ENPP1: variants seen among roughly 807,000 people sequenced by gnomAD.
ENPP1 encodes ectonucleotide pyrophosphatase/phosphodiesterase family member 1.
ENPP1 carries 73 observed loss-of-function variants against 122.8 expected under a neutral mutation model. The ratio of observed to expected loss-of-function variants is 0.59; its 90% CI spans 0.49 to 0.72. The LOEUF (loss-of-function observed/expected upper bound fraction) is 0.72, where lower values mean the gene tolerates loss of function less well. Ranked by LOEUF, ENPP1 falls within the 30% of genes least tolerant of loss-of-function variation. ENPP1 has a pLI of 0.00. For missense variants in ENPP1, 978 were observed against 1,128.1 expected (o/e 0.87, Z 1.91); for synonymous variants, 367 against 391.6 (o/e 0.94, Z 0.74).
At chr6:131,882,887 T>C (rs1260264717) in intron 21 of ENPP1, among the ~76,000 whole-genome samples, 1 of 151,934 alleles carries the variant, frequency 6.6e-6, no homozygotes, top group Non-Finnish European at 1.5e-5. Context: ...GGAATATATA[T>C]ATCAAGTTGG....
intron 7 of ENPP1, among the ~76,000 whole-genome samples, chr6:131,859,546 C>T (rs530550040): frequency 4.6e-5 from 7 of 151,450 alleles, no homozygotes; most frequent in African/African-American, 9.7e-5. Context: ...CCACCACGCC[C>T]GGCTAATTTT....
chr6:131,819,538 T>C (rs186020201), intron 1 of ENPP1, among the ~76,000 whole-genome samples: 5 of 152,360 alleles, frequency 3.3e-5, no homozygotes, highest in African/African-American at 1.2e-4. Flanking sequence ...AAATACTTAC[T>C]TATTGAAACT....
intron 8 of ENPP1, 27 bp downstream of exon 8, chr6:131,860,533 T>C (rs9493113): frequency 1.3e-6 from 2 of 1,527,100 alleles, no homozygotes; most frequent in East Asian, 2.3e-5. Flanking sequence ...TCTACTAAAA[T>C]AGTTAATTAT....
At chr6:131,855,608 G>A (rs1781935760) in intron 6 of ENPP1, among the ~76,000 whole-genome samples, 1 of 152,062 alleles carries the variant, frequency 6.6e-6, no homozygotes, top group South Asian at 2.1e-4. Flanking sequence ...TTACAGGCGT[G>A]AGCCACCATG....
Position 131,892,159 on chromosome 6 carries a change from C to G in ENPP1, c.*1648C>G, listed in dbSNP as rs1782479460. The stretch of plus-strand genomic sequence containing the variant: ...TTGCATCTACTGATGGTCTTTTTTC[C>G]ATTCGGAAACATTTTCCTGTTTCTT... On this transcript the variant is annotated 3_prime_UTR_variant, in exon 25 of 25. Transcript: ENST00000647893. The G allele has an allele frequency of 6.6e-6, 1 of 151,960 alleles. No homozygotes were observed. The highest frequency in any genetic ancestry group is 1.5e-5 in the Non-Finnish European group (1 of 67,992). The allele number at this position is 151,960 out of a possible 1,614,324, so 9.4% of individuals were successfully genotyped here. A position where few individuals can be genotyped will look rare whatever the true frequency, so the allele number is the denominator to read the frequency against.
intron 10 of ENPP1, 24 bp downstream of exon 10, chr6:131,864,595 T>G (rs1782064988): frequency 5.4e-6 from 8 of 1,478,864 alleles, no homozygotes; most frequent in Non-Finnish European, 7.6e-6. Flanking sequence ...TAATTTCTAT[T>G]GTAAATACTT....
intron 1 of ENPP1, among the ~76,000 whole-genome samples, chr6:131,822,696 T>A (rs1781497191): frequency 6.6e-6 from 1 of 152,190 alleles, no homozygotes; most frequent in Non-Finnish European, 1.5e-5. Flanking sequence ...AATGTACTTT[T>A]CATAAGTAGG....
At chr6:131,836,836 C>T (rs146168163) in intron 1 of ENPP1, among the ~76,000 whole-genome samples, 2 of 152,234 alleles carry the variant, frequency 1.3e-5, no homozygotes, top group East Asian at 3.9e-4. Context: ...ATGGAAAGTG[C>T]GGTACTGGCA....
intron 1 of ENPP1, among the ~76,000 whole-genome samples, chr6:131,819,229 C>T (rs1781454697): frequency 6.6e-6 from 1 of 152,152 alleles, no homozygotes. Flanking sequence ...GCAAGATAGA[C>T]TAATGGATTT....
intron 6 of ENPP1, among the ~76,000 whole-genome samples, chr6:131,856,952 A>T (rs2114698278): frequency 6.6e-6 from 1 of 152,218 alleles, no homozygotes; most frequent in South Asian, 2.1e-4. Flanking sequence ...CTTTTGGCTT[A>T]GGATTGACTT....
At position 131,893,542 on chromosome 6, in the gene ENPP1, T is replaced by C. The variant is rs892673236; in HGVS notation, c.*3031T>C. 1.3e-5 allele frequency: 2 copies of C among 152,238 alleles called. No individual in the cohort carries two copies. Among genetic ancestry groups the C allele is most frequent in the African/African-American group, 4.8e-5 (2 of 41,472 alleles). The allele number at this position is 152,238 out of a possible 1,614,324, so 9.4% of individuals were successfully genotyped here. On this transcript the variant is annotated 3_prime_UTR_variant, in exon 25 of 25. Coordinates refer to ENST00000647893, the MANE Select transcript of ENPP1 (RefSeq NM_006208.3). ...TTGACATTTTCCCATTTACAGCTAC[T>C]TATATTTTCTACAAGTGTCACTGTG...
intron 6 of ENPP1, among the ~76,000 whole-genome samples, chr6:131,855,377 G>A (rs1781932512): frequency 6.6e-6 from 1 of 152,104 alleles, no homozygotes; most frequent in South Asian, 2.1e-4. Flanking sequence ...CCAGGCTGGA[G>A]TGCAGTGGTG....
chr6:131,817,432 G>T (rs977332045), intron 1 of ENPP1, among the ~76,000 whole-genome samples: 10 of 152,184 alleles, frequency 6.6e-5, no homozygotes, highest in Non-Finnish European at 1.2e-4. Context: ...GCCAAAATTA[G>T]TGCACTTTAT....
intron 1 of ENPP1, among the ~76,000 whole-genome samples, chr6:131,828,966 C>T (rs756850686): frequency 6.6e-6 from 1 of 152,114 alleles, no homozygotes; most frequent in African/African-American, 2.4e-5. Context: ...ACAAGGTGCC[C>T]GAATGAGTAT....
Position 131,882,118 on chromosome 6 carries a change from C to T in ENPP1, c.2101-227C>T, listed in dbSNP as rs575461717. 7.2e-4 allele frequency among the ~76,000 whole-genome samples: 110 copies of T among 151,834 alleles called. 3 individuals carry two copies. The South Asian group carries it at 0.022, about 30-fold the overall frequency. ...TTATTTCATATTAGCATAGCAGAAT[C>T]TGAAAATATTTGCATAAATATGACA... is the stretch of plus-strand genomic sequence containing the variant. On this transcript the variant is annotated intron_variant, in intron 20 of 24. Coordinates refer to ENST00000647893, the MANE Select transcript of ENPP1 (RefSeq NM_006208.3).
intron 1 of ENPP1, among the ~76,000 whole-genome samples, chr6:131,832,540 C>G (rs1180278005): frequency 6.6e-6 from 1 of 152,184 alleles, no homozygotes; most frequent in East Asian, 1.9e-4. Flanking sequence ...GTTTGTGTGA[C>G]CAACTTGATA....
rs1781305510 is a variant in ENPP1 at position 131,808,259 on chromosome 6, A to G, written c.224A>G (p.Tyr75Cys). The G allele has an allele frequency of 6.6e-7, 1 of 1,513,754 alleles. No homozygotes were observed. Among genetic ancestry groups the G allele is most frequent in the Non-Finnish European group, 8.9e-7 (1 of 1,129,744 alleles). 93.8% of individuals were successfully genotyped at this position (1,513,754 alleles called of 1,614,324 possible). A position where few individuals can be genotyped will look rare whatever the true frequency, so the allele number is the denominator to read the frequency against. Residue 75 changes from tyrosine (Y) to cysteine (C), a missense_variant, in exon 1 of 25, where the codon TAT (tyrosine) becomes TGT (cysteine). Tyr to Cys is a radical substitution (Grantham distance 194). Transcript: ENST00000647893. ...RARTAKDPNT[Y>C]KVLSLVLSVC... ...CGCACTGCCAAGGACCCCAACACCTATAAAGTACTCTCGCTGGTAGGTCCG... is the reference window on the plus strand; with the variant it reads ...CGCACTGCCAAGGACCCCAACACCTGTAAAGTACTCTCGCTGGTAGGTCCG...
rs542094353 is a variant in ENPP1, at chr6:131,850,119, A to G, written c.430+13A>G. 2 of 1,530,912 alleles carry G rather than the reference A, an allele frequency of 1.3e-6. No homozygotes were observed. The highest frequency in any genetic ancestry group is 1.8e-6 in the Non-Finnish European group (2 of 1,103,838). 94.8% of individuals were successfully genotyped at this position (1,530,912 alleles called of 1,614,324 possible). A position where few individuals can be genotyped will look rare whatever the true frequency, so the allele number is the denominator to read the frequency against. On this transcript the variant is annotated intron_variant, in intron 3 of 24. Transcript: ENST00000647893. ...TGCATAGAACCAGGTAAGGATGAGC[A>G]GGGAAAAAAGTGGAGTTATGGTCAT...
At chr6:131,813,730 A>G (rs986742526) in intron 1 of ENPP1, among the ~76,000 whole-genome samples, 1 of 152,032 alleles carries the variant, frequency 6.6e-6, no homozygotes, top group Non-Finnish European at 1.5e-5. Flanking sequence ...TCAACTCCAA[A>G]AGGGAGGGAG....
Sources: allele counts gnomAD v4.1 joint callset (sites outside exome capture counted in the v4.1 genomes callset), GRCh38; gene constraint gnomAD v4.1.1; transcripts MANE v1.5; gene names NCBI Gene and HGNC (gene_info 2026-07-23, HGNC 2026-07-21).